Variants in SNX25 observed in about 807,000 individuals in gnomAD.
SNX25 encodes sorting nexin-25.
SNX25 carries 62 observed loss-of-function variants against 113.7 expected under a neutral mutation model. The observed-to-expected ratio is 0.55, with a 90% CI of 0.44 to 0.67. The LOEUF (loss-of-function observed/expected upper bound fraction) is 0.67, where lower values mean the gene tolerates loss of function less well. SNX25 is among the 30% of genes least tolerant of loss of function. SNX25 has a pLI of 0.00. For synonymous variants in SNX25, 421 were observed against 436.2 expected (o/e 0.97, Z 0.43); for missense variants, 1,014 against 1,161.0 (o/e 0.87, Z 1.84).
chr4:185,300,839 T>C (rs1196533010), intron 6 of SNX25, among the ~76,000 whole-genome samples: 2 of 49,648 alleles, frequency 4.0e-5, no homozygotes, highest in Non-Finnish European at 7.8e-5. Flanking sequence ...ATGATTATTA[T>C]GACACACACA....
At chr4:185,237,775 C>G (rs1742869726) in intron 1 of SNX25, among the ~76,000 whole-genome samples, 1 of 151,482 alleles carries the variant, frequency 6.6e-6, no homozygotes, top group Non-Finnish European at 1.5e-5. Context: ...AAAAAAAAAT[C>G]AGGCCGGGTA....
rs770403970 is a variant in SNX25, at chr4:185,346,622, C to T, written c.2273C>T (p.Ser758Leu). The T allele has an allele frequency of 1.5e-5, 23 of 1,580,012 alleles. No homozygotes were observed. In the East Asian group the frequency reaches 2.3e-4, roughly 16 times the overall value. The change falls in exon 13 of 19, where the codon TCG becomes TTG. Residue 758 changes from serine to leucine, a missense_variant. Transcript: ENST00000652585. ...KSIDQKFMEK[S>L]KNQLNKFLQN... ...ATAGATCAAAAGTTTATGGAAAAGT[C>T]GAAGAATCAATTAAATAAGTTTTTA...
chr4:185,337,038 G>A (rs1034873099), intron 10 of SNX25, among the ~76,000 whole-genome samples: 4 of 152,008 alleles, frequency 2.6e-5, no homozygotes, highest in Non-Finnish European at 4.4e-5. Context: ...ATTTGTTTGA[G>A]TTTTCTGTAG....
At chr4:185,360,541 T>G (rs1478041128) in intron 16 of SNX25, among the ~76,000 whole-genome samples, 2 of 152,198 alleles carry the variant, frequency 1.3e-5, no homozygotes, top group African/African-American at 4.8e-5. Context: ...GATGATTCTT[T>G]TCCCCTTTTC....
At chr4:185,357,637 G>A (rs770584001) in intron 15 of SNX25, 34 bp from the exon 16 acceptor site, 1 of 1,568,784 alleles carries the variant, frequency 6.4e-7, no homozygotes, top group Admixed American at 1.7e-5. Flanking sequence ...GTGATGCCCT[G>A]TGATAAAAAG....
At position 185,247,307 on chromosome 4, in the gene SNX25, G is replaced by T. The variant is rs773769685; in HGVS notation, c.443G>T (p.Gly148Val). 3 of 1,602,460 alleles carry T rather than the reference G, an allele frequency of 1.9e-6. No individual in the cohort carries two copies. The highest frequency in any genetic ancestry group is 2.6e-6 in the Non-Finnish European group (3 of 1,175,398). Residue 148 changes from glycine to valine, a missense_variant, in exon 2 of 19, where the codon GGA becomes GTA. Physicochemically the swap from Gly to Val is moderately radical, Grantham distance 109. Coordinates refer to ENST00000652585, the MANE Select transcript of SNX25 (RefSeq NM_001378034.2). ...ARRPPGSPVY[G>V]NSHESAQSRR... Reference sequence around the variant, plus strand: ...CTTTCATTTCAGAGTCCTGTGTATGGAAACTCACATGAGTCAGCTCAGTCT... The same window carrying T: ...CTTTCATTTCAGAGTCCTGTGTATGTAAACTCACATGAGTCAGCTCAGTCT...
chr4:185,284,574 C>T (rs1289911435), intron 5 of SNX25, among the ~76,000 whole-genome samples: 1 of 151,970 alleles, frequency 6.6e-6, no homozygotes. Flanking sequence ...GGTTCACATT[C>T]ATAGGGAGAA....
In SNX25 at chr4:185,351,541, A is replaced by G. The variant is rs1277181701; in HGVS notation, c.2398A>G (p.Lys800Glu). 6.2e-6 allele frequency: 10 copies of G among 1,613,644 alleles called. No individual in the cohort carries two copies. Among genetic ancestry groups the G allele is most frequent in the Non-Finnish European group, 8.5e-6 (10 of 1,179,846 alleles). The change falls in exon 14 of 19, where the codon AAA (lysine) becomes GAA (glutamate). Residue 800 changes from lysine to glutamate, a missense_variant. By Grantham distance (56) the Lys-to-Glu change is moderately conservative (BLOSUM62 1). Transcript: ENST00000652585. ...DYLKVIDVQG[K>E]KNSFSLSSFL... ...CCTCAAGGTTATCGACGTGCAGGGG[A>G]AAAAAAATTCTTTTTCATTATCCTC...
At chr4:185,300,642 C>T (rs1054686054) in intron 6 of SNX25, among the ~76,000 whole-genome samples, 7 of 152,014 alleles carry the variant, frequency 4.6e-5, no homozygotes, top group African/African-American at 1.7e-4. Context: ...GTGATACAAA[C>T]AATTCCACAT....
downstream of SNX25, chr4:185,372,797 TA>T: frequency 1.4e-6 from 2 of 1,391,598 alleles, no homozygotes; most frequent in Admixed American, 1.9e-5. Flanking sequence ...CTGTTTCTCA[TA>T]AATTACCTAG....
chr4:185,218,247 G>T (rs3112894), intron 1 of SNX25, among the ~76,000 whole-genome samples: 99,083 of 152,038 alleles, frequency 0.65, 32,368 homozygotes, highest in East Asian at 0.74. Context: ...ATCAAGCCTG[G>T]CTAATTTTTG....
chr4:185,298,093 C>CTTTTTTTT (rs6148841), intron 6 of SNX25, among the ~76,000 whole-genome samples: 6,238 of 136,870 alleles, frequency 0.046, 592 homozygotes, highest in African/African-American at 0.15. Flanking sequence ...ATAGTAACTT[C>CTTTTTTTT]TTTTTTTTTT....
chr4:185,308,360 C>T (rs1018481106), intron 6 of SNX25, among the ~76,000 whole-genome samples: 12 of 152,126 alleles, frequency 7.9e-5, no homozygotes, highest in African/African-American at 2.4e-4. Context: ...GTAACAGAGC[C>T]GGGATTCTAA....
intron 1 of SNX25, among the ~76,000 whole-genome samples, chr4:185,239,067 C>T (rs1378013411): frequency 6.6e-6 from 1 of 152,138 alleles, no homozygotes; most frequent in Non-Finnish European, 1.5e-5. Flanking sequence ...GACACAAAGA[C>T]AGTTTGAGCG....
the SNX25 span, chr4:185,378,577 T>C: frequency 1.0e-6 from 1 of 1,002,900 alleles, no homozygotes; most frequent in Non-Finnish European, 1.2e-6. Context: ...ACTGGTACCT[T>C]CTCTGCCCTT....
intron 5 of SNX25, among the ~76,000 whole-genome samples, chr4:185,282,369 A>G (rs1024189907): frequency 6.6e-6 from 1 of 152,038 alleles, no homozygotes; most frequent in Non-Finnish European, 1.5e-5. Context: ...GAGTTTCACC[A>G]TGTTGGCCAG....
rs545258082 is a variant in SNX25, at chr4:185,303,473, C to T, written c.1163-7162C>T. 1.1e-4 allele frequency among the ~76,000 whole-genome samples: 17 copies of T among 151,784 alleles called. No homozygotes were observed. The South Asian group carries it at 2.9e-3, about 26-fold the overall frequency. ...AGGAGATCGAGACCATCCTGGCTTA[C>T]GCAGTGAAACCCCGTCTCTACTAAA... On this transcript the variant is annotated intron_variant, in intron 6 of 18. Coordinates refer to ENST00000652585, the MANE Select transcript of SNX25 (RefSeq NM_001378034.2).
At chr4:185,204,993 A>G (rs967259500), upstream of SNX25, among the ~76,000 whole-genome samples, 1 of 152,266 alleles carries the variant, frequency 6.6e-6, no homozygotes, top group Non-Finnish European at 1.5e-5. Flanking sequence ...TCCAGTAGTT[A>G]ATAAATATTG....
Position 185,323,618 on chromosome 4 carries a change from A to ATT in SNX25, c.1568_1569dup (p.Gln524PhefsTer6). 5 of 1,613,678 alleles carry ATT rather than the reference A, an allele frequency of 3.1e-6. No individual in the cohort carries two copies. Among genetic ancestry groups the ATT allele is most frequent in the Non-Finnish European group, 4.2e-6 (5 of 1,179,744 alleles). ...TGTGGAAAAATCACTTTACAAAGAA[A>ATT]TTCAGCAGTGTCTTGTAGGAAATAA... On this transcript the variant is annotated frameshift_variant, in exon 9 of 19. Transcript: ENST00000652585. LOFTEE classifies it high-confidence loss of function.
Sources: gnomAD v4.1 joint callset for allele counts (sites outside exome capture counted in the v4.1 genomes callset) on GRCh38, gnomAD v4.1.1 for gene constraint, MANE v1.5 for transcripts, NCBI Gene and HGNC (gene_info 2026-07-23, HGNC 2026-07-21) for gene names.